AXIN2: variants seen among roughly 807,000 people sequenced by gnomAD.
AXIN2 encodes the protein axin-2.
AXIN2 carries 21 observed loss-of-function variants against 74.7 expected under a neutral mutation model. The ratio of observed to expected loss-of-function variants is 0.28; its 90% CI spans 0.20 to 0.40. The LOEUF (loss-of-function observed/expected upper bound fraction) is 0.40. AXIN2 is among the 10% of genes least tolerant of loss of function. The probability of loss-of-function intolerance (pLI) is 1.00; values close to 1 mark genes in which losing one functional copy is unlikely to be tolerated. For missense variants in AXIN2, 1,144 were observed against 1,111.1 expected, an observed-to-expected ratio of 1.03 and a Z score of -0.42; for synonymous variants, 532 against 454.9, an observed-to-expected ratio of 1.17 and a Z score of -2.16.
chr17:65,558,718 G>T lies in AXIN2; in HGVS notation c.-98C>A. Reference sequence around the variant, plus strand: ...CTCTGTCTCTCTCAAGTCAGCAGGGGCTCATCTGAACCTCCTCTCTGGAAA... The same window carrying T: ...CTCTGTCTCTCTCAAGTCAGCAGGGTCTCATCTGAACCTCCTCTCTGGAAA... On this transcript the variant is annotated 5_prime_UTR_variant, in exon 2 of 11. Transcript: ENST00000307078. 2 of 1,246,916 alleles carry T rather than the reference G, an allele frequency of 1.6e-6. No individual in the cohort carries two copies. The highest frequency in any genetic ancestry group is 2.3e-6 in the Non-Finnish European group (2 of 883,990). The allele number at this position is 1,246,916 out of a possible 1,614,324, so 77.2% of individuals were successfully genotyped here.
At position 65,528,794 on chromosome 17, in the gene AXIN2, G is replaced by A; in HGVS notation, c.*1182C>T. On this transcript the variant is annotated 3_prime_UTR_variant, in exon 11 of 11. Coordinates refer to ENST00000307078, the MANE Select transcript of AXIN2 (RefSeq NM_004655.4). ...GGGAAAGCTTGAGCCCTCAATATAG[G>A]GCGACACACGGAGCGGGTGACCGTG... 2.1e-6 allele frequency: 1 copy of A among 486,632 alleles called. No homozygotes were observed. Among genetic ancestry groups the A allele is most frequent in the South Asian group, 1.8e-5 (1 of 55,130 alleles). The allele number at this position is 486,632 out of a possible 1,614,324, so 30.1% of individuals were successfully genotyped here.
chr17:65,559,215 G>A (rs567820278), intron 1 of AXIN2, among the ~76,000 whole-genome samples: 2 of 152,152 alleles, frequency 1.3e-5, no homozygotes, highest in East Asian at 3.9e-4. Flanking sequence ...ACTCGGCCCT[G>A]CACAGATAAC....
At position 65,538,224 on chromosome 17, in the gene AXIN2, C is replaced by T. The variant is rs922684515; in HGVS notation, c.1179G>A (p.Glu393=). The T allele has an allele frequency of 6.2e-7, 1 of 1,614,262 alleles. No homozygotes were observed. The highest frequency in any genetic ancestry group is 8.5e-7 in the Non-Finnish European group (1 of 1,180,046). ...TTACCTCTCGGATCTGCTGCAGGCG[C>T]TCCTCCAGGCTGTGGCGGCTCTCCA... ...LELESRHSLE[E]RLQQIREDEE... Residue 393 remains glutamate (E), a synonymous_variant, in exon 5 of 11, where the codon GAG becomes GAA. Coordinates refer to ENST00000307078, the MANE Select transcript of AXIN2 (RefSeq NM_004655.4).
intron 10 of AXIN2, 75 bp from the exon 11 acceptor site, chr17:65,530,177 T>C (rs897471853): frequency 6.3e-7 from 1 of 1,591,794 alleles, no homozygotes; most frequent in African/African-American, 1.3e-5. Context: ...CATACCAACA[T>C]GGAGGACTGA....
chr17:65,541,995 AGAAAGTTG>A (rs1475683154), intron 3 of AXIN2, among the ~76,000 whole-genome samples: 2 of 152,236 alleles, frequency 1.3e-5, no homozygotes, highest in Admixed American at 1.3e-4. Flanking sequence ...GGGCCAGGGC[AGAAAGTTG>A]TAGGGATAAG....
intron 3 of AXIN2, among the ~76,000 whole-genome samples, chr17:65,547,658 C>A (rs564606999): frequency 6.6e-6 from 1 of 152,196 alleles, no homozygotes; most frequent in African/African-American, 2.4e-5. Context: ...TATCGTCTGA[C>A]GTAAACTGCA....
At chr17:65,536,780 C>T in intron 7 of AXIN2, 89 bp downstream of exon 7, 2 of 1,558,314 alleles carry the variant, frequency 1.3e-6, no homozygotes, top group Non-Finnish European at 1.8e-6. Context: ...ATTTGTATTC[C>T]GCGGACTGCA....
rs781572220 is a variant in AXIN2, at chr17:65,558,093, G to C, written c.528C>G (p.Thr176=). The C allele has an allele frequency of 2.5e-6, 4 of 1,613,858 alleles. No individual in the cohort carries two copies. The highest frequency in any genetic ancestry group is 2.7e-5 in the African/African-American group (2 of 74,870). The part of the protein sequence containing the change: ...IDSIMFDQAQ[T]EIQSVMEENA... ...TTTCCTCCATCACCGACTGGATCTC[G>C]GTCTGCGCCTGGTCAAACATGATGG... Residue 176 remains threonine (T), a synonymous_variant, in exon 2 of 11, where the codon ACC becomes ACG. Coordinates refer to ENST00000307078, the MANE Select transcript of AXIN2 (RefSeq NM_004655.4).
At chr17:65,552,243 C>T (rs182029384) in intron 2 of AXIN2, among the ~76,000 whole-genome samples, 3 of 152,242 alleles carry the variant, frequency 2.0e-5, no homozygotes, top group Admixed American at 1.3e-4. Flanking sequence ...TGTTCAGCAT[C>T]CCCACTAAAG....
chr17:65,557,700 C>T, intron 2 of AXIN2, 106 bp downstream of exon 2: 1 of 1,222,420 alleles, frequency 8.2e-7, no homozygotes, highest in South Asian at 1.3e-5. Context: ...AGTCCTAACT[C>T]AACAGACCTG....
At chr17:65,555,480 G>A (rs2044253890) in intron 2 of AXIN2, among the ~76,000 whole-genome samples, 1 of 152,152 alleles carries the variant, frequency 6.6e-6, no homozygotes, top group Non-Finnish European at 1.5e-5. Context: ...AATGGGCTAA[G>A]CCAAGAGTCA....
intron 1 of AXIN2, among the ~76,000 whole-genome samples, chr17:65,558,957 G>A (rs1287920800): frequency 6.6e-6 from 1 of 152,082 alleles, no homozygotes; most frequent in Non-Finnish European, 1.5e-5. Flanking sequence ...GGGGTTGGGG[G>A]TGGGAGGGAG....
At chr17:65,543,434 G>A (rs1430292447) in intron 3 of AXIN2, among the ~76,000 whole-genome samples, 3 of 152,082 alleles carry the variant, frequency 2.0e-5, no homozygotes, top group Admixed American at 6.5e-5. Flanking sequence ...AAACCAAATC[G>A]CACCCAAGGC....
At position 65,537,510 on chromosome 17, in the gene AXIN2, T is replaced by A. The variant is rs778327226; in HGVS notation, c.1526A>T (p.Gln509Leu). Residue 509 changes from glutamine (Q) to leucine (L), a missense_variant, in exon 6 of 11, where the codon CAG becomes CTG. Gln to Leu is a moderately radical substitution (Grantham distance 113, BLOSUM62 -2). Coordinates refer to ENST00000307078, the MANE Select transcript of AXIN2 (RefSeq NM_004655.4). ...LLGGKGFVTK[Q>L]TTKHVHHHYI... is the part of the protein sequence containing the mutation. ...GTGGTGGTGGACATGCTTCGTCGTC[T>A]GCTTGGTCACAAAGCCTTTGCCCCC... The A allele has an allele frequency of 6.2e-7, 1 of 1,613,752 alleles. No individual in the cohort carries two copies. Among genetic ancestry groups the A allele is most frequent in the Non-Finnish European group, 8.5e-7 (1 of 1,179,952 alleles).
chr17:65,549,711 C>A, intron 2 of AXIN2, 51 bp from the exon 3 acceptor site: 1 of 1,561,096 alleles, frequency 6.4e-7, no homozygotes, highest in South Asian at 1.2e-5. Context: ...ACCAGAAACC[C>A]AGGTAATCAG....
At chr17:65,550,279 C>T (rs962217893) in intron 2 of AXIN2, among the ~76,000 whole-genome samples, 2 of 152,212 alleles carry the variant, frequency 1.3e-5, no homozygotes, top group African/African-American at 4.8e-5. Flanking sequence ...CTGCCATGAG[C>T]CGTTGCCATG....
At chr17:65,534,375 G>T (rs879567045) in intron 9 of AXIN2, among the ~76,000 whole-genome samples, 3 of 152,196 alleles carry the variant, frequency 2.0e-5, no homozygotes, top group African/African-American at 7.2e-5. Context: ...AGTATACGGC[G>T]GCCTCTTTCA....
At chr17:65,538,142 C>T (rs1430142946) in intron 5 of AXIN2, 61 bp downstream of exon 5, 1 of 1,612,452 alleles carries the variant, frequency 6.2e-7, no homozygotes, top group Admixed American at 1.7e-5. Context: ...TGCACATGCG[C>T]ATACACATAC....
At position 65,549,504 on chromosome 17, in the gene AXIN2, T is replaced by C. The variant is rs35285779; in HGVS notation, c.956+16A>G. On this transcript the variant is annotated intron_variant, in intron 3 of 10. Transcript: ENST00000307078. Reference sequence around the variant, plus strand: ...ACTCCCAAGCAAGCCCACGGAAGGGTGGCCAGGATACTCACACACTGCTGT... The same window carrying C: ...ACTCCCAAGCAAGCCCACGGAAGGGCGGCCAGGATACTCACACACTGCTGT... 0.059 allele frequency: 94,382 copies of C among 1,611,332 alleles called. 4,800 individuals carry two copies. The highest frequency in any genetic ancestry group is 0.29 in the East Asian group (13,121 of 44,704).
Sources: allele counts gnomAD v4.1 joint callset (sites outside exome capture counted in the v4.1 genomes callset), GRCh38; gene constraint gnomAD v4.1.1; transcripts MANE v1.5; gene names NCBI Gene and HGNC (gene_info 2026-07-23, HGNC 2026-07-21).